The following CSMD1 variants were observed in gnomAD, a reference collection of about 807,000 sequenced individuals.
CSMD1 encodes CUB and sushi domain-containing protein 1.
CSMD1 carries 213 observed loss-of-function variants against 417.5 expected under a neutral mutation model. That is an observed-to-expected ratio of 0.51 (90% confidence interval 0.46 to 0.57). CSMD1 has a LOEUF of 0.57. Ranked by LOEUF, CSMD1 falls within the 20% of genes least tolerant of loss-of-function variation. The pLI, the probability that CSMD1 is intolerant of heterozygous loss-of-function variation, is 0.00. For synonymous variants in CSMD1, 2,862 were observed against 1,736.8 expected, an observed-to-expected ratio of 1.65 and a Z score of -16.11; for missense variants, 6,923 against 4,529.7, an observed-to-expected ratio of 1.53 and a Z score of -15.17.
chr8:3,517,568 C>T (rs879232659), intron 10 of CSMD1, among the ~76,000 whole-genome samples: 1 of 152,178 alleles, frequency 6.6e-6, no homozygotes, highest in South Asian at 2.1e-4. Flanking sequence ...TCATTCCACA[C>T]TGCTGTCCTC....
In CSMD1 at chr8:3,708,475, C is replaced by A; in HGVS notation, c.948G>T (p.Glu316Asp). 1 of 1,613,922 alleles carries A rather than the reference C, an allele frequency of 6.2e-7. No homozygotes were observed. Among genetic ancestry groups the A allele is most frequent in the Non-Finnish European group, 8.5e-7 (1 of 1,179,858 alleles). ...GCATCTTGACTCCTCTTGACTTCAA[C>A]TCAATCGCCTTTTTCACTGGAAGAA... is the stretch of plus-strand genomic sequence containing the variant. ...NAQFQVKKAIELKSRGVKMLP... is the reference protein window; with the variant it reads ...NAQFQVKKAIDLKSRGVKMLP... Residue 316 changes from glutamate to aspartate, a missense_variant, in exon 7 of 70, where the codon GAG (glutamate) becomes GAT (aspartate). By Grantham distance (45) the Glu-to-Asp change is conservative. Transcript: ENST00000635120.
chr8:3,386,794 T>C (rs755711856), intron 18 of CSMD1, among the ~76,000 whole-genome samples: 47 of 152,318 alleles, frequency 3.1e-4, no homozygotes, highest in African/African-American at 1.1e-3. Context: ...GAAACAATGT[T>C]ATACTGGGGT....
At chr8:3,086,220 C>A (rs1397712627) in intron 49 of CSMD1, among the ~76,000 whole-genome samples, 1 of 152,074 alleles carries the variant, frequency 6.6e-6, no homozygotes, top group African/African-American at 2.4e-5. Context: ...TCTAATCATT[C>A]CTAATGAAGT....
intron 5 of CSMD1, among the ~76,000 whole-genome samples, chr8:3,862,331 C>T (rs1009454504): frequency 2.0e-5 from 3 of 152,212 alleles, no homozygotes; most frequent in Non-Finnish European, 4.4e-5. Flanking sequence ...CAAGGGCGTC[C>T]ACCAGGTGAC....
intron 1 of CSMD1, among the ~76,000 whole-genome samples, chr8:4,721,156 G>C (rs146573425): frequency 0.02 from 3,118 of 152,204 alleles, 56 homozygotes; most frequent in Non-Finnish European, 0.028. Flanking sequence ...TCCAGCAAAA[G>C]ACTAATCAAA....
intron 3 of CSMD1, among the ~76,000 whole-genome samples, chr8:4,281,688 C>G (rs1796793516): frequency 1.3e-5 from 2 of 152,110 alleles, no homozygotes; most frequent in Admixed American, 6.5e-5. Context: ...TATGTGATAA[C>G]ATATACATAC....
intron 10 of CSMD1, among the ~76,000 whole-genome samples, chr8:3,562,780 T>C (rs1585373198): frequency 6.6e-6 from 1 of 151,090 alleles, no homozygotes; most frequent in South Asian, 2.1e-4. Context: ...GGGTGGAGGG[T>C]GGGAGGGGGA....
At chr8:3,155,488 C>A (rs1819468855) in intron 39 of CSMD1, among the ~76,000 whole-genome samples, 1 of 150,472 alleles carries the variant, frequency 6.6e-6, no homozygotes, top group African/African-American at 2.4e-5. Context: ...CTGCCTCAGC[C>A]TCCCGAGTAG....
intron 1 of CSMD1, among the ~76,000 whole-genome samples, chr8:4,810,876 C>T: frequency 6.6e-6 from 1 of 152,230 alleles, no homozygotes; most frequent in Middle Eastern, 3.4e-3. Context: ...AAAACTGTAA[C>T]AGCCTTGTGT....
rs576174075 is a variant in CSMD1 at position 4,884,740 on chromosome 8, T to C, written c.85+109592A>G. Among the ~76,000 whole-genome samples, 3 of 152,190 alleles carry C rather than the reference T, an allele frequency of 2.0e-5. No homozygotes were observed. In the East Asian group the frequency reaches 5.8e-4, roughly 29 times the overall value. On this transcript the variant is annotated intron_variant, in intron 1 of 69. Coordinates refer to ENST00000635120, the MANE Select transcript of CSMD1 (RefSeq NM_033225.6). ...TTCCTTGGATCAATAGGTCTATCCT[T>C]AAGTCACTGCAACTCTGTCTTATTG...
chr8:4,153,444 G>A (rs1000532173), intron 3 of CSMD1, among the ~76,000 whole-genome samples: 1 of 152,222 alleles, frequency 6.6e-6, no homozygotes, highest in African/African-American at 2.4e-5. Context: ...GCACTTAGCA[G>A]ATGAGCCAGT....
intron 26 of CSMD1, among the ~76,000 whole-genome samples, chr8:3,230,529 T>C (rs1045093564): frequency 6.6e-6 from 1 of 152,110 alleles, no homozygotes; most frequent in Non-Finnish European, 1.5e-5. Context: ...AATACATACA[T>C]ACACACAGAC....
At chr8:4,536,592 C>T (rs144879274) in intron 2 of CSMD1, among the ~76,000 whole-genome samples, 2 of 152,218 alleles carry the variant, frequency 1.3e-5, no homozygotes, top group African/African-American at 4.8e-5. Flanking sequence ...GATATCCTGC[C>T]GTTTAGTGGC....
chr8:4,042,794 A>G (rs1797956919), intron 3 of CSMD1, among the ~76,000 whole-genome samples: 1 of 140,176 alleles, frequency 7.1e-6, no homozygotes, highest in African/African-American at 2.6e-5. Context: ...GCTATACAAT[A>G]GGTGAAGTGG....
chr8:4,578,553 A>G (rs992837548), intron 2 of CSMD1, among the ~76,000 whole-genome samples: 1 of 151,446 alleles, frequency 6.6e-6, no homozygotes, highest in Non-Finnish European at 1.5e-5. Flanking sequence ...GCAATGCTTC[A>G]TGCCTGTAAT....
chr8:3,921,004 T>A (rs1809214554), intron 5 of CSMD1, among the ~76,000 whole-genome samples: 1 of 152,192 alleles, frequency 6.6e-6, no homozygotes, highest in Non-Finnish European at 1.5e-5. Context: ...TGAAAATGTT[T>A]CCTCTTCTTC....
intron 7 of CSMD1, among the ~76,000 whole-genome samples, chr8:3,659,860 T>A (rs978297087): frequency 6.6e-6 from 1 of 152,152 alleles, no homozygotes; most frequent in African/African-American, 2.4e-5. Flanking sequence ...TTCAACTTCT[T>A]TAGAGAAATA....
intron 1 of CSMD1, among the ~76,000 whole-genome samples, chr8:4,876,506 G>C (rs1320873600): frequency 2.0e-5 from 3 of 152,082 alleles, no homozygotes; most frequent in African/African-American, 7.3e-5. Context: ...CTTTTAACAA[G>C]ACTATGTGTA....
chr8:4,529,568 T>A (rs59115926), intron 2 of CSMD1, among the ~76,000 whole-genome samples: 5,952 of 152,240 alleles, frequency 0.039, 352 homozygotes, highest in African/African-American at 0.13. Flanking sequence ...AGATAAAACT[T>A]ACATAAGCAA....
Sources: allele counts gnomAD v4.1 joint callset (sites outside exome capture counted in the v4.1 genomes callset), GRCh38; gene constraint gnomAD v4.1.1; transcripts MANE v1.5; gene names NCBI Gene and HGNC (gene_info 2026-07-23, HGNC 2026-07-21).